The following NELL1 variants were observed in gnomAD, a reference collection of about 807,000 sequenced individuals.
NELL1 encodes neural EGFL like 1, also known as protein kinase C-binding protein NELL1.
A neutral mutation model predicts 107.4 loss-of-function variants in NELL1; 76 were observed. The observed-to-expected ratio is 0.71, with a 90% confidence interval of 0.59 to 0.86. The LOEUF (loss-of-function observed/expected upper bound fraction) is 0.86, where lower values mean the gene tolerates loss of function less well. NELL1 is among the 40% of genes least tolerant of loss of function. The pLI, the probability that NELL1 is intolerant of heterozygous loss-of-function variation, is 0.00. For missense variants in NELL1, 1,024 were observed against 1,005.5 expected, an observed-to-expected ratio of 1.02 and a Z score of -0.25; for synonymous variants, 353 against 341.2, an observed-to-expected ratio of 1.03 and a Z score of -0.38.
At chr11:20,791,117 G>T (rs1270674269) in intron 3 of NELL1, among the ~76,000 whole-genome samples, 1 of 152,184 alleles carries the variant, frequency 6.6e-6, no homozygotes, top group East Asian at 1.9e-4. Context: ...AAATAAGTCA[G>T]TTGAGATTTT....
chr11:21,158,066 C>T (rs576370344), intron 13 of NELL1, among the ~76,000 whole-genome samples: 11 of 152,090 alleles, frequency 7.2e-5, no homozygotes, highest in African/African-American at 1.4e-4. Flanking sequence ...GGCAGAGGAA[C>T]GTGGAAGGAC....
intron 13 of NELL1, among the ~76,000 whole-genome samples, chr11:21,141,737 T>TTTTTTTTATTTA (rs1855872900): frequency 1.4e-5 from 2 of 147,550 alleles, no homozygotes; most frequent in African/African-American, 5.0e-5. Context: ...CCTCTATCCT[T>TTTTTTTTATTTA]TTTATTTATT....
intron 12 of NELL1, among the ~76,000 whole-genome samples, chr11:21,010,978 TCTC>T (rs1471561725): frequency 2.0e-5 from 3 of 152,070 alleles, no homozygotes; most frequent in Admixed American, 1.3e-4. Flanking sequence ...ATACTGCACT[TCTC>T]CTTCCTTGAA....
chr11:20,875,837 C>A lies in NELL1; in HGVS notation c.507-9607C>A, dbSNP rs75103549. ...AAGCACCCTTATTATCATTAGAGATCCAGATGAGGAGAGAAAAAGAAAACA... is the reference window on the plus strand; with the variant it reads ...AAGCACCCTTATTATCATTAGAGATACAGATGAGGAGAGAAAAAGAAAACA... On this transcript the variant is annotated intron_variant, in intron 4 of 19. Transcript: ENST00000357134. Among the ~76,000 whole-genome samples the A allele has an allele frequency of 8.5e-3, 1,296 of 152,150 alleles. 17 individuals are homozygous for A. The highest frequency in any genetic ancestry group is 0.03 in the African/African-American group (1,241 of 41,502).
chr11:21,534,133 T>C (rs984724016), intron 15 of NELL1, among the ~76,000 whole-genome samples: 1 of 152,174 alleles, frequency 6.6e-6, no homozygotes, highest in African/African-American at 2.4e-5. Context: ...TGAGTTAGGA[T>C]TTTTTTGTGA....
chr11:21,554,905 G>A (rs181236766), intron 16 of NELL1, among the ~76,000 whole-genome samples: 34 of 151,950 alleles, frequency 2.2e-4, no homozygotes, highest in African/African-American at 7.7e-4. Flanking sequence ...TCAGTGCCAG[G>A]CAAACTGGTA....
At chr11:20,788,338 A>AT in intron 3 of NELL1, among the ~76,000 whole-genome samples, 1 of 152,216 alleles carries the variant, frequency 6.6e-6, no homozygotes, top group Admixed American at 6.5e-5. Flanking sequence ...GAGGGTTTCG[A>AT]TTTTTCCACA....
At chr11:20,797,391 A>G (rs1168286843) in intron 3 of NELL1, among the ~76,000 whole-genome samples, 2 of 151,758 alleles carry the variant, frequency 1.3e-5, no homozygotes, top group Non-Finnish European at 2.9e-5. Context: ...GGTGAAATCC[A>G]GTCTCTACTA....
chr11:21,257,884 A>G (rs1376757058), intron 14 of NELL1, among the ~76,000 whole-genome samples: 1 of 151,958 alleles, frequency 6.6e-6, no homozygotes, highest in Non-Finnish European at 1.5e-5. Flanking sequence ...ACCCTAAGTG[A>G]CAAATGTACC....
intron 15 of NELL1, among the ~76,000 whole-genome samples, chr11:21,410,222 G>C (rs1359384897): frequency 2.6e-5 from 4 of 151,992 alleles, no homozygotes; most frequent in Non-Finnish European, 5.9e-5. Context: ...ACCTGTTTGA[G>C]AGACCAAGAT....
chr11:21,534,586 G>T, intron 16 of NELL1, 72 bp downstream of exon 16: 1 of 1,487,752 alleles, frequency 6.7e-7, no homozygotes, highest in Non-Finnish European at 9.3e-7. Flanking sequence ...TTGGTACTCT[G>T]TTCAGCTCCC....
rs376396985 is a variant in NELL1 at position 20,898,663 on chromosome 11, A to G, written c.603+13123A>G. Among the ~76,000 whole-genome samples, 32 of 149,616 alleles carry G rather than the reference A, an allele frequency of 2.1e-4. No individual in the cohort carries two copies. The East Asian group carries it at 3.1e-3, about 15-fold the overall frequency. On this transcript the variant is annotated intron_variant, in intron 5 of 19. Transcript: ENST00000357134. ...ACCATTCTTGCAGGACTAAGATGCT[A>G]TTTCACTGTGGTTTTAATTTGCATT...
chr11:20,745,959 C>T (rs956860642), intron 2 of NELL1, among the ~76,000 whole-genome samples: 1 of 152,114 alleles, frequency 6.6e-6, no homozygotes, highest in East Asian at 1.9e-4. Flanking sequence ...AATATCTTTG[C>T]AAGGAAAAAG....
chr11:21,022,422 G>A (rs1460946857), intron 12 of NELL1, among the ~76,000 whole-genome samples: 1 of 152,126 alleles, frequency 6.6e-6, no homozygotes, highest in Non-Finnish European at 1.5e-5. Context: ...AAGGAAATTA[G>A]GCTCAGAAGT....
intron 3 of NELL1, among the ~76,000 whole-genome samples, chr11:20,835,217 C>A (rs1457429833): frequency 6.6e-6 from 1 of 152,180 alleles, no homozygotes; most frequent in South Asian, 2.1e-4. Context: ...CTCCTCTCCT[C>A]GTTTTAAAGG....
chr11:21,241,494 C>T (rs1858358438), intron 14 of NELL1, among the ~76,000 whole-genome samples: 1 of 152,146 alleles, frequency 6.6e-6, no homozygotes, highest in African/African-American at 2.4e-5. Flanking sequence ...ACGCCAAGTA[C>T]TGTTACTGGG....
chr11:21,145,588 T>C (rs1033141702), intron 13 of NELL1, among the ~76,000 whole-genome samples: 3 of 152,226 alleles, frequency 2.0e-5, no homozygotes, highest in Admixed American at 6.5e-5. Flanking sequence ...TGCTGCTATC[T>C]CTTGATTATC....
intron 12 of NELL1, among the ~76,000 whole-genome samples, chr11:20,962,837 T>G (rs754781961): frequency 9.2e-5 from 14 of 152,154 alleles, no homozygotes; most frequent in African/African-American, 1.9e-4. Context: ...ATTTCCTTGT[T>G]GTATGGAGAC....
intron 2 of NELL1, among the ~76,000 whole-genome samples, chr11:20,778,559 T>G (rs1385263435): frequency 2.0e-5 from 3 of 151,660 alleles, no homozygotes; most frequent in Non-Finnish European, 4.4e-5. Flanking sequence ...TTTTTAGTCT[T>G]TCTTTAAAAA....
Sources: gnomAD v4.1 joint callset for allele counts (sites outside exome capture counted in the v4.1 genomes callset) on GRCh38, gnomAD v4.1.1 for gene constraint, MANE v1.5 for transcripts, NCBI Gene and HGNC (gene_info 2026-07-23, HGNC 2026-07-21) for gene names.